KCNK2: variants seen among roughly 807,000 people sequenced by gnomAD.
The protein encoded by KCNK2 is potassium two pore domain channel subfamily K member 2, also known as potassium channel subfamily K member 2.
KCNK2 carries 21 observed loss-of-function variants against 40.5 expected under a neutral mutation model. The observed-to-expected ratio is 0.52, with a 90% CI of 0.37 to 0.75. The LOEUF (loss-of-function observed/expected upper bound fraction) is 0.75, where lower values mean the gene tolerates loss of function less well. KCNK2 is among the 30% of genes least tolerant of loss of function. The pLI, the probability that KCNK2 is intolerant of heterozygous loss-of-function variation, is 0.00. For synonymous variants in KCNK2, 191 were observed against 202.2 expected, an observed-to-expected ratio of 0.94 and a Z score of 0.47; for missense variants, 399 against 531.6, an observed-to-expected ratio of 0.75 and a Z score of 2.45.
At chr1:215,036,475 A>G (rs1451290455) in intron 1 of KCNK2, among the ~76,000 whole-genome samples, 2 of 67,504 alleles carry the variant, frequency 3.0e-5, no homozygotes, top group East Asian at 1.8e-3. Flanking sequence ...AAAGTTCTCC[A>G]ATTTTGTTCT....
At chr1:215,034,614 C>T (rs1657321809) in intron 1 of KCNK2, among the ~76,000 whole-genome samples, 1 of 152,126 alleles carries the variant, frequency 6.6e-6, no homozygotes, top group Non-Finnish European at 1.5e-5. Context: ...TCAAGTCATT[C>T]TAATGTCTAG....
In KCNK2 at chr1:215,086,523, G is replaced by T. The variant is rs774410659; in HGVS notation, c.202G>T (p.Val68Leu). The change falls in exon 2 of 7, where the codon GTG becomes TTG. Residue 68 changes from valine (V) to leucine (L), a missense_variant. Physicochemically the swap from Val to Leu is conservative, Grantham distance 32. Transcript: ENST00000444842. ...KWKTVSTIFL[V>L]VVLYLIIGAT... Reference sequence around the variant, plus strand: ...GAAGACGGTCTCCACGATATTCCTGGTGGTTGTCCTCTATCTGATCATCGG... The same window carrying T: ...GAAGACGGTCTCCACGATATTCCTGTTGGTTGTCCTCTATCTGATCATCGG... The T allele has an allele frequency of 1.2e-6, 2 of 1,614,070 alleles. No individual in the cohort carries two copies. The highest frequency in any genetic ancestry group is 1.7e-6 in the Non-Finnish European group (2 of 1,180,050).
intron 2 of KCNK2, among the ~76,000 whole-genome samples, chr1:215,115,266 G>C (rs888773530): frequency 6.6e-6 from 1 of 151,890 alleles, no homozygotes. Context: ...ATCCATTATG[G>C]AACTATAGGC....
At chr1:215,113,910 A>T (rs115703134) in intron 2 of KCNK2, among the ~76,000 whole-genome samples, 26 of 152,294 alleles carry the variant, frequency 1.7e-4, no homozygotes, top group African/African-American at 6.3e-4. Context: ...CCCAACAGAT[A>T]TACAGCAAGT....
chr1:215,179,568 T>C (rs1488799602), intron 5 of KCNK2, among the ~76,000 whole-genome samples: 1 of 152,048 alleles, frequency 6.6e-6, no homozygotes, highest in Non-Finnish European at 1.5e-5. Flanking sequence ...GTTTCTGTTT[T>C]CATTTATCTC....
intron 6 of KCNK2, among the ~76,000 whole-genome samples, chr1:215,205,375 C>A (rs1345631640): frequency 6.6e-6 from 1 of 152,190 alleles, no homozygotes; most frequent in Non-Finnish European, 1.5e-5. Flanking sequence ...GTAGCTGGGA[C>A]TACAGGCACA....
intron 2 of KCNK2, among the ~76,000 whole-genome samples, chr1:215,117,765 G>A (rs1661011979): frequency 6.6e-6 from 1 of 152,022 alleles, no homozygotes; most frequent in Non-Finnish European, 1.5e-5. Context: ...AGTGGCACTC[G>A]ACAGGAATAT....
intron 6 of KCNK2, among the ~76,000 whole-genome samples, chr1:215,198,082 C>T (rs576374434): frequency 1.3e-5 from 2 of 152,322 alleles, no homozygotes; most frequent in East Asian, 3.9e-4. Context: ...TGACTCTCAA[C>T]TGAAAGTATG....
rs1048583893 is a variant in KCNK2 at position 215,235,905 on chromosome 1, G to A, written c.*760G>A. The A allele has an allele frequency of 6.6e-6, 1 of 152,582 alleles. No individual in the cohort carries two copies. Among genetic ancestry groups the A allele is most frequent in the African/African-American group, 2.4e-5 (1 of 41,444 alleles). The allele number at this position is 152,582 out of a possible 1,614,324, so 9.5% of individuals were successfully genotyped here. On this transcript the variant is annotated 3_prime_UTR_variant, in exon 7 of 7. Coordinates refer to ENST00000444842, the MANE Select transcript of KCNK2 (RefSeq NM_001017425.3). ...CCCTCTGAGTATTTATTTGACTCAG[G>A]TACCAGTGGTACATATATACAGTGT...
chr1:215,133,788 T>C (rs1041665980), intron 3 of KCNK2, among the ~76,000 whole-genome samples: 1 of 152,312 alleles, frequency 6.6e-6, no homozygotes, highest in African/African-American at 2.4e-5. Flanking sequence ...TAAAGTACAA[T>C]GCTGACGTGA....
chr1:215,142,173 C>T (rs1662212004), intron 3 of KCNK2, among the ~76,000 whole-genome samples: 1 of 152,022 alleles, frequency 6.6e-6, no homozygotes, highest in African/African-American at 2.4e-5. Flanking sequence ...TTTTACTCAT[C>T]TCTTTTCCTA....
Position 215,206,888 on chromosome 1 carries a change from GAA to G in KCNK2, c.963+11799_963+11800del, listed in dbSNP as rs573451408. Among the ~76,000 whole-genome samples, 299 of 152,290 alleles carry G rather than the reference GAA, an allele frequency of 2.0e-3. 3 individuals carry two copies. The highest frequency in any genetic ancestry group is 7.0e-3 in the African/African-American group (289 of 41,562). ...GATAATTTAAGGGAATTACAGAGCA[GAA>G]AATAAAAACTCCATGCTTGGTAATC... On this transcript the variant is annotated intron_variant, in intron 6 of 6. Transcript: ENST00000444842.
intron 3 of KCNK2, among the ~76,000 whole-genome samples, chr1:215,128,141 GAAA>G (rs1661515078): frequency 6.6e-6 from 1 of 152,186 alleles, no homozygotes; most frequent in South Asian, 2.1e-4. Flanking sequence ...AGGTGAGTGA[GAAA>G]GAGTTGAGGG....
intron 1 of KCNK2, among the ~76,000 whole-genome samples, chr1:215,069,195 C>T (rs1658663280): frequency 6.6e-6 from 1 of 152,164 alleles, no homozygotes; most frequent in Non-Finnish European, 1.5e-5. Flanking sequence ...GTGAACACCC[C>T]TACTGTCTCC....
chr1:215,079,348 G>C (rs1025688591), upstream of KCNK2, among the ~76,000 whole-genome samples: 9 of 152,130 alleles, frequency 5.9e-5, no homozygotes, highest in African/African-American at 1.4e-4. Flanking sequence ...CAGGCAGCAT[G>C]GTTGGAAAGA....
chr1:215,196,078 A>G lies in KCNK2; in HGVS notation c.963+986A>G, dbSNP rs551028251. 5.9e-4 allele frequency among the ~76,000 whole-genome samples: 66 copies of G among 112,664 alleles called. No individual in the cohort carries two copies. The South Asian group carries it at 0.022, about 38-fold the overall frequency. 73.9% of individuals were successfully genotyped at this position (112,664 alleles called of 152,430 possible). A position where few individuals can be genotyped will look rare whatever the true frequency, so the allele number is the denominator to read the frequency against. On this transcript the variant is annotated intron_variant, in intron 6 of 6. Coordinates refer to ENST00000444842, the MANE Select transcript of KCNK2 (RefSeq NM_001017425.3). ...CAAATGTTTTCTTTGAAAATTATCA[A>G]GTCATATAATTTTTTTTTTTTTTGA...
chr1:215,204,037 C>CAAAAAAAAAAAAAAAAAAAAAAAAAA (rs71167813), intron 6 of KCNK2, among the ~76,000 whole-genome samples: 1 of 53,178 alleles, frequency 1.9e-5, no homozygotes, highest in African/African-American at 1.1e-4. Context: ...GACTCCGTCT[C>CAAAAAAAAAAAAAAAAAAAAAAAAAA]AAAAAAAAAA....
chr1:215,186,212 C>A (rs1664425713), intron 5 of KCNK2, among the ~76,000 whole-genome samples: 1 of 152,042 alleles, frequency 6.6e-6, no homozygotes, highest in African/African-American at 2.4e-5. Context: ...AGTTCAAGAC[C>A]AGCCTGGGCA....
intron 3 of KCNK2, among the ~76,000 whole-genome samples, chr1:215,139,040 T>C (rs1387110662): frequency 6.6e-6 from 1 of 152,208 alleles, no homozygotes; most frequent in Non-Finnish European, 1.5e-5. Flanking sequence ...AGCATACTCA[T>C]TTAAAATAAA....
Sources: allele counts gnomAD v4.1 joint callset (sites outside exome capture counted in the v4.1 genomes callset), GRCh38; gene constraint gnomAD v4.1.1; transcripts MANE v1.5; gene names NCBI Gene and HGNC (gene_info 2026-07-23, HGNC 2026-07-21).